The following ZNF423 variants were observed in gnomAD, a reference collection of about 807,000 sequenced individuals.
ZNF423 encodes zinc finger protein 423, also known as Ebf-associated zinc finger protein.
ZNF423 carries 12 observed loss-of-function variants against 95.8 expected under a neutral mutation model. That is an observed-to-expected ratio of 0.13 (90% CI 0.08 to 0.20). The LOEUF is 0.20. Among genes scored for constraint, ZNF423 ranks in the 10% least tolerant of loss-of-function variants. The pLI is 1.00. For synonymous variants in ZNF423, 749 were observed against 711.9 expected (o/e 1.05, Z -0.83); for missense variants, 1,316 against 1,737.1 (o/e 0.76, Z 4.31).
chr16:49,555,540 T>C (rs1383952662), intron 5 of ZNF423, among the ~76,000 whole-genome samples: 3 of 152,232 alleles, frequency 2.0e-5, no homozygotes, highest in Non-Finnish European at 4.4e-5. Flanking sequence ...CTAGTAAGTG[T>C]TGAAGGTAGG....
At chr16:49,610,981 A>G (rs759178138) in intron 5 of ZNF423, among the ~76,000 whole-genome samples, 5 of 152,102 alleles carry the variant, frequency 3.3e-5, no homozygotes, top group Non-Finnish European at 7.4e-5. Flanking sequence ...TGTATGCACC[A>G]AACAACAGAG....
intron 3 of ZNF423, among the ~76,000 whole-genome samples, chr16:49,703,786 T>C (rs1308703710): frequency 6.6e-6 from 1 of 152,180 alleles, no homozygotes; most frequent in Non-Finnish European, 1.5e-5. Flanking sequence ...GGCTCCTAGG[T>C]CGCCCTAACT....
At chr16:49,502,187 A>G (rs542991481) in intron 7 of ZNF423, among the ~76,000 whole-genome samples, 64 of 152,320 alleles carry the variant, frequency 4.2e-4, no homozygotes, top group African/African-American at 1.5e-3. Flanking sequence ...GAGAAGCCCC[A>G]GACACCCTGA....
intron 5 of ZNF423, among the ~76,000 whole-genome samples, chr16:49,533,322 C>T (rs1303186692): frequency 1.3e-5 from 2 of 152,182 alleles, no homozygotes; most frequent in Non-Finnish European, 2.9e-5. Flanking sequence ...AGAGGCCTTC[C>T]TTCCTGGTCC....
intron 1 of ZNF423, among the ~76,000 whole-genome samples, chr16:49,825,488 T>C (rs1441572616): frequency 6.6e-6 from 1 of 152,108 alleles, no homozygotes. Flanking sequence ...GCCTCTCAGA[T>C]GTAAACTGAC....
At chr16:49,658,347 G>C (rs2030003154) in intron 3 of ZNF423, among the ~76,000 whole-genome samples, 1 of 152,182 alleles carries the variant, frequency 6.6e-6, no homozygotes, top group Admixed American at 6.5e-5. Context: ...CGGGGCCTGA[G>C]GAGGGCCAGG....
chr16:49,815,096 C>T (rs2034816535), intron 1 of ZNF423, among the ~76,000 whole-genome samples: 1 of 152,162 alleles, frequency 6.6e-6, no homozygotes, highest in African/African-American at 2.4e-5. Flanking sequence ...GGCCGCTCAT[C>T]AGCTGTGTGA....
intron 1 of ZNF423, chr16:49,822,642 C>T: frequency 1.3e-6 from 2 of 1,582,212 alleles, no homozygotes; most frequent in Non-Finnish European, 8.6e-7. Context: ...CTTGCCCCAC[C>T]CCTCAGCCCA....
intron 5 of ZNF423, among the ~76,000 whole-genome samples, chr16:49,574,011 G>A (rs976131914): frequency 2.0e-5 from 3 of 152,216 alleles, no homozygotes; most frequent in African/African-American, 7.2e-5. Flanking sequence ...GCACGGCTGA[G>A]CCCCATTTGC....
intron 1 of ZNF423, among the ~76,000 whole-genome samples, chr16:49,790,211 T>C (rs1327727988): frequency 6.6e-6 from 1 of 152,240 alleles, no homozygotes; most frequent in Non-Finnish European, 1.5e-5. Context: ...GTTATGGACT[T>C]TGTAAATGGA....
At position 49,649,950 on chromosome 16, in the gene ZNF423, T is replaced by C. The variant is rs141931653; in HGVS notation, c.302-11076A>G. Among the ~76,000 whole-genome samples the C allele has an allele frequency of 3.2e-3, 481 of 152,340 alleles. 1 individual carries two copies. Among genetic ancestry groups the C allele is most frequent in the African/African-American group, 0.011 (460 of 41,580 alleles). On this transcript the variant is annotated intron_variant, in intron 3 of 7. Coordinates refer to ENST00000563137, the MANE Select transcript of ZNF423 (RefSeq NM_001379286.1). ...GCAGCACCTATTCACTCATTCCTCC[T>C]CCAGGGAGCTGAGAGTTTCTTACGA... is the stretch of plus-strand genomic sequence containing the variant.
chr16:49,640,236 C>T (rs1333223707), intron 3 of ZNF423, among the ~76,000 whole-genome samples: 2 of 152,168 alleles, frequency 1.3e-5, no homozygotes, highest in Non-Finnish European at 2.9e-5. Context: ...GGGGCAGGCG[C>T]ACCATGCTCC....
intron 2 of ZNF423, among the ~76,000 whole-genome samples, chr16:49,742,676 G>A (rs1244438697): frequency 1.3e-5 from 2 of 152,162 alleles, no homozygotes; most frequent in Non-Finnish European, 2.9e-5. Context: ...GCAGCGTGGG[G>A]AGCTCGATAA....
chr16:49,656,839 T>C (rs1013841944), intron 3 of ZNF423, among the ~76,000 whole-genome samples: 1 of 152,210 alleles, frequency 6.6e-6, no homozygotes, highest in Non-Finnish European at 1.5e-5. Flanking sequence ...CACAGCAATC[T>C]GATGTGTTCC....
At chr16:49,679,313 C>T (rs1252429567) in intron 3 of ZNF423, among the ~76,000 whole-genome samples, 2 of 152,326 alleles carry the variant, frequency 1.3e-5, no homozygotes, top group South Asian at 2.1e-4. Flanking sequence ...GGGATCTCTG[C>T]CCCCTTCCAA....
At position 49,855,123 on chromosome 16, in the gene ZNF423, A is replaced by C; in HGVS notation, c.40+612T>G. 1 of 872,898 alleles carries C rather than the reference A, an allele frequency of 1.1e-6. No individual in the cohort carries two copies. The highest frequency in any genetic ancestry group is 1.4e-6 in the Non-Finnish European group (1 of 729,304). The allele number at this position is 872,898 out of a possible 1,614,324, so 54.1% of individuals were successfully genotyped here. The stretch of plus-strand genomic sequence containing the variant: ...GAAGTGCAGGGGCCCGGGCCGGGAG[A>C]AGGCCTGGGCAGGGGCGGGAGGGGG... On this transcript the variant is annotated intron_variant, in intron 1 of 7. Coordinates refer to ENST00000563137, the MANE Select transcript of ZNF423 (RefSeq NM_001379286.1). This position sits in a 1 kb window ranked among gnomAD's most constrained non-coding sequence, Gnocchi z 4.7.
intron 7 of ZNF423, among the ~76,000 whole-genome samples, chr16:49,503,753 C>T (rs866941265): frequency 4.6e-5 from 7 of 152,204 alleles, no homozygotes; most frequent in South Asian, 2.1e-4. Context: ...CTTGTCTCAG[C>T]TCTCCACTGT....
intron 2 of ZNF423, among the ~76,000 whole-genome samples, chr16:49,778,886 C>T (rs566150545): frequency 1.4e-4 from 22 of 152,324 alleles, no homozygotes; most frequent in African/African-American, 5.3e-4. Flanking sequence ...GCACTCCATA[C>T]GGATTTCCCG....
chr16:49,628,587 A>G (rs1350028034), intron 4 of ZNF423, among the ~76,000 whole-genome samples: 1 of 152,112 alleles, frequency 6.6e-6, no homozygotes, highest in Non-Finnish European at 1.5e-5. Flanking sequence ...TTTTCTACCT[A>G]TCCAATAACC....
Sources: gnomAD v4.1 joint callset for allele counts (sites outside exome capture counted in the v4.1 genomes callset) on GRCh38, gnomAD v4.1.1 for gene constraint, Gnocchi (gnomAD v3.1) non-coding constraint, MANE v1.5 for transcripts, NCBI Gene and HGNC (gene_info 2026-07-23, HGNC 2026-07-21) for gene names.